B3GAT1: variants seen among roughly 807,000 people sequenced by gnomAD.
B3GAT1 encodes galactosylgalactosylxylosylprotein 3-beta-glucuronosyltransferase 1.
In B3GAT1, 11 loss-of-function variants were observed where a neutral mutation model predicts 28.4. That is an observed-to-expected ratio of 0.39 (90% CI 0.24 to 0.64). The LOEUF (loss-of-function observed/expected upper bound fraction) is 0.64. Ranked by LOEUF, B3GAT1 falls within the 30% of genes least tolerant of loss-of-function variation. B3GAT1 has a pLI of 0.50. For synonymous variants in B3GAT1, 255 were observed against 223.1 expected, an observed-to-expected ratio of 1.14 and a Z score of -1.27; for missense variants, 375 against 491.0, an observed-to-expected ratio of 0.76 and a Z score of 2.23.
rs992973718 is a variant in B3GAT1, at chr11:134,393,703, A to G, written c.-281-5763T>C. ...GGTGAGTGCTGTGAACAGGCTGGGA[A>G]CCGGCGTCACTGACTCTTGAGGGCG... is the stretch of plus-strand genomic sequence containing the variant. On this transcript the variant is annotated intron_variant, in intron 1 of 5. Coordinates refer to ENST00000312527, the MANE Select transcript of B3GAT1 (RefSeq NM_054025.3). The surrounding 1 kb of genome is among the most constrained non-coding windows in gnomAD (Gnocchi z 4.0). Among the ~76,000 whole-genome samples, 2 of 152,206 alleles carry G rather than the reference A, an allele frequency of 1.3e-5. No homozygotes were observed. The highest frequency in any genetic ancestry group is 4.8e-5 in the African/African-American group (2 of 41,446).
intron 4 of B3GAT1, among the ~76,000 whole-genome samples, 159 bp downstream of exon 4, chr11:134,382,551 G>C (rs773392098): frequency 5.9e-5 from 9 of 152,248 alleles, no homozygotes; most frequent in Non-Finnish European, 1.0e-4. Flanking sequence ...CCTGTCCGCA[G>C]TGTCGCTGCC....
In B3GAT1 at chr11:134,383,829, C is replaced by A. The variant is rs374620417; in HGVS notation, c.472G>T (p.Ala158Ser). 3 of 1,594,164 alleles carry A rather than the reference C, an allele frequency of 1.9e-6. No homozygotes were observed. The highest frequency in any genetic ancestry group is 3.3e-4 in the Middle Eastern group (2 of 6,002). Reference protein sequence around the residue: ...TPRNYKLRGDARDPRIPRGTM... With the variant: ...TPRNYKLRGDSRDPRIPRGTM... Reference sequence around the variant, plus strand: ...CCCCGCGGGATGCGTGGGTCGCGGGCGTCTCCGCGCAGCTTGTAGTTGCGG... The same window carrying A: ...CCCCGCGGGATGCGTGGGTCGCGGGAGTCTCCGCGCAGCTTGTAGTTGCGG... The change falls in exon 3 of 6, where the codon GCC becomes TCC. Residue 158 changes from alanine to serine, a missense_variant. By Grantham distance (99) the Ala-to-Ser change is moderately conservative (BLOSUM62 1). Coordinates refer to ENST00000312527, the MANE Select transcript of B3GAT1 (RefSeq NM_054025.3).
intron 1 of B3GAT1, among the ~76,000 whole-genome samples, chr11:134,398,239 G>C (rs1160694821): frequency 6.6e-6 from 1 of 152,222 alleles, no homozygotes; most frequent in African/African-American, 2.4e-5. Context: ...GCACGTGTCT[G>C]CACGCTCTTA....
intron 1 of B3GAT1, among the ~76,000 whole-genome samples, chr11:134,403,973 G>GTTTC (rs1270901279): frequency 9.5e-6 from 1 of 104,716 alleles, no homozygotes; most frequent in Admixed American, 1.1e-4. Context: ...CGGGTACAGA[G>GTTTC]TTTCTTTCTT....
chr11:134,393,196 T>C lies in B3GAT1; in HGVS notation c.-281-5256A>G, dbSNP rs980785793. Among the ~76,000 whole-genome samples the C allele has an allele frequency of 2.0e-5, 3 of 152,136 alleles. No individual in the cohort carries two copies. The highest frequency in any genetic ancestry group is 4.4e-5 in the Non-Finnish European group (3 of 68,028). On this transcript the variant is annotated intron_variant, in intron 1 of 5. Coordinates refer to ENST00000312527, the MANE Select transcript of B3GAT1 (RefSeq NM_054025.3). This position sits in a 1 kb window ranked among gnomAD's most constrained non-coding sequence, Gnocchi z 4.0. ...TAAGATGGGAACAGTAGTTAAGTGG[T>C]TCATCAAAAAAGTCCATTAAGGCGA...
chr11:134,378,670 G>A lies in B3GAT1; in HGVS notation c.*2092C>T, dbSNP rs958697120. ...CTCCTGTGTGGTGGGGCTTGCCAGCGAGGGAGCAGGGAACAGACTGGGTTT... is the reference window on the plus strand; with the variant it reads ...CTCCTGTGTGGTGGGGCTTGCCAGCAAGGGAGCAGGGAACAGACTGGGTTT... On this transcript the variant is annotated 3_prime_UTR_variant, in exon 6 of 6. Coordinates refer to ENST00000312527, the MANE Select transcript of B3GAT1 (RefSeq NM_054025.3). The A allele has an allele frequency of 1.3e-5, 2 of 152,246 alleles. No individual in the cohort carries two copies. Among genetic ancestry groups the A allele is most frequent in the Non-Finnish European group, 2.9e-5 (2 of 68,046 alleles). 9.4% of individuals were successfully genotyped at this position (152,246 alleles called of 1,614,324 possible). A position where few individuals can be genotyped will look rare whatever the true frequency, so the allele number is the denominator to read the frequency against.
rs565864782 is a variant in B3GAT1, at chr11:134,393,434, C to G, written c.-281-5494G>C. ...GCTGACCGTCTGACATCAGCCACAT[C>G]GCAGCATCCCGCTGCGATCTCGTTT... On this transcript the variant is annotated intron_variant, in intron 1 of 5. Transcript: ENST00000312527. This position sits in a 1 kb window ranked among gnomAD's most constrained non-coding sequence, Gnocchi z 4.0. Among the ~76,000 whole-genome samples, 4 of 152,328 alleles carry G rather than the reference C, an allele frequency of 2.6e-5. No individual in the cohort carries two copies. The highest frequency in any genetic ancestry group is 9.6e-5 in the African/African-American group (4 of 41,576).
Position 134,379,268 on chromosome 11 carries a change from A to G in B3GAT1, c.*1494T>C, listed in dbSNP as rs1365031947. 1.4e-5 allele frequency: 2 copies of G among 140,098 alleles called. No individual in the cohort carries two copies. The highest frequency in any genetic ancestry group is 2.5e-4 in the South Asian group (1 of 3,992). The allele number at this position is 140,098 out of a possible 1,614,324, so 8.7% of individuals were successfully genotyped here. On this transcript the variant is annotated 3_prime_UTR_variant, in exon 6 of 6. Coordinates refer to ENST00000312527, the MANE Select transcript of B3GAT1 (RefSeq NM_054025.3). ...CAGGAGTGGGTTCTGAATGGCCCTC[A>G]GACCTCTCCTGGTGAGTCTTAATGG...
intron 1 of B3GAT1, among the ~76,000 whole-genome samples, chr11:134,395,361 T>TG (rs1331092252): frequency 6.6e-6 from 1 of 151,892 alleles, no homozygotes; most frequent in Non-Finnish European, 1.5e-5. Context: ...GCCAGGCCCA[T>TG]GGAAGACCCC....
At position 134,387,539 on chromosome 11, in the gene B3GAT1, C is replaced by T. The variant is rs754935855; in HGVS notation, c.112+9G>A. The T allele has an allele frequency of 8.1e-6, 13 of 1,613,368 alleles. No individual in the cohort carries two copies. The highest frequency in any genetic ancestry group is 2.2e-5 in the South Asian group (2 of 91,038). On this transcript the variant is annotated intron_variant, in intron 2 of 5. Transcript: ENST00000312527. ...CAGCTGGGCAGGCAGGGCATGCGTG[C>T]GTGCTCACCCTTATGTACCGCGAGC...
chr11:134,388,497 G>T, intron 1 of B3GAT1: 1 of 156,056 alleles, frequency 6.4e-6, no homozygotes, highest in East Asian at 1.9e-4. Flanking sequence ...TAGATTTGGG[G>T]GCACATGTGC....
At chr11:134,383,308 G>T (rs570152011) in intron 3 of B3GAT1, among the ~76,000 whole-genome samples, 56 of 152,250 alleles carry the variant, frequency 3.7e-4, no homozygotes, top group African/African-American at 1.2e-3. Flanking sequence ...CCCCGCTCTA[G>T]AGTGTGAAGT....
rs1343307688 is a variant in B3GAT1, at chr11:134,411,672, A to ACG, written c.-282+134_-282+135insCG. The stretch of plus-strand genomic sequence containing the variant: ...CAGCTGCCCCCAGCGCGCGCAGCGC[A>ACG]CACACACACACACACACACACACAC... On this transcript the variant is annotated intron_variant, in intron 1 of 5. Transcript: ENST00000312527. The surrounding 1 kb of genome is among the most constrained non-coding windows in gnomAD (Gnocchi z 6.0). The ACG allele has an allele frequency of 1.2e-4, 1 of 8,278 alleles. No homozygotes were observed. Among genetic ancestry groups the ACG allele is most frequent in the Non-Finnish European group, 8.5e-4 (1 of 1,170 alleles). 0.5% of individuals were successfully genotyped at this position (8,278 alleles called of 1,614,324 possible). A position where few individuals can be genotyped will look rare whatever the true frequency, so the allele number is the denominator to read the frequency against.
intron 2 of B3GAT1, chr11:134,384,983 C>G (rs749950573): frequency 2.0e-5 from 3 of 152,190 alleles, no homozygotes; most frequent in Admixed American, 6.5e-5. Flanking sequence ...CCTAGCTTAC[C>G]GTCGGGTGGT....
At chr11:134,403,983 T>TTATACA (rs1944672500) in intron 1 of B3GAT1, among the ~76,000 whole-genome samples, 2 of 40,684 alleles carry the variant, frequency 4.9e-5, no homozygotes, top group Non-Finnish European at 8.0e-5. Context: ...GTTTCTTTCT[T>TTATACA]TATATATATA....
At chr11:134,399,605 C>T (rs1362273519) in intron 1 of B3GAT1, among the ~76,000 whole-genome samples, 1 of 152,218 alleles carries the variant, frequency 6.6e-6, no homozygotes, top group African/African-American at 2.4e-5. Flanking sequence ...TGGCAGAGGG[C>T]AGTCCAGAAC....
At chr11:134,404,212 T>C (rs1290703708) in intron 1 of B3GAT1, among the ~76,000 whole-genome samples, 1 of 151,628 alleles carries the variant, frequency 6.6e-6, no homozygotes, top group East Asian at 1.9e-4. Flanking sequence ...GATGTTCCCC[T>C]TCCTGTGTCC....
intron 1 of B3GAT1, among the ~76,000 whole-genome samples, chr11:134,395,413 A>T (rs1405033454): frequency 6.6e-6 from 1 of 151,900 alleles, no homozygotes; most frequent in Non-Finnish European, 1.5e-5. Context: ...GGGTGATGGG[A>T]GTGGGGGTGC....
chr11:134,403,733 C>T (rs951083623), intron 1 of B3GAT1, among the ~76,000 whole-genome samples: 1 of 152,138 alleles, frequency 6.6e-6, no homozygotes, highest in East Asian at 1.9e-4. Flanking sequence ...GTGGAATACA[C>T]ATGCAATGGA....
Sources: gnomAD v4.1 joint callset for allele counts (sites outside exome capture counted in the v4.1 genomes callset) on GRCh38, gnomAD v4.1.1 for gene constraint, Gnocchi (gnomAD v3.1) non-coding constraint, MANE v1.5 for transcripts, NCBI Gene and HGNC (gene_info 2026-07-23, HGNC 2026-07-21) for gene names.